The following KIFC3 variants were observed in gnomAD, a reference collection of about 807,000 sequenced individuals.
KIFC3 encodes the protein kinesin family member C3.
A neutral mutation model predicts 101.8 loss-of-function variants in KIFC3; 60 were observed. That is an observed-to-expected ratio of 0.59 (90% CI 0.48 to 0.73). The LOEUF is 0.73. Among genes scored for constraint, KIFC3 ranks in the 30% least tolerant of loss-of-function variants. The pLI is 0.00. For missense variants in KIFC3, 966 were observed against 1,137.1 expected (o/e 0.85, Z 2.16); for synonymous variants, 476 against 482.7 (o/e 0.99, Z 0.18).
At chr16:57,822,769 CAG>C (rs1555630106) in intron 1 of KIFC3, among the ~76,000 whole-genome samples, 1 of 151,902 alleles carries the variant, frequency 6.6e-6, no homozygotes, top group African/African-American at 2.4e-5. Flanking sequence ...AAGAAAAACT[CAG>C]AGACTGTTCC....
At chr16:57,798,313 AAGACCGTGGACCAGC>A (rs782465421) in intron 1 of KIFC3, 31 bp from the exon 2 acceptor site, 1 of 1,530,198 alleles carries the variant, frequency 6.5e-7, no homozygotes, top group South Asian at 1.2e-5. Flanking sequence ...GATAAGCTTG[AAGACCGTGGACCAGC>A]ACAACTGCAC....
In KIFC3 at chr16:57,802,480, G is replaced by T; in HGVS notation, c.-150C>A. On this transcript the variant is annotated 5_prime_UTR_variant, in exon 1 of 20. Coordinates refer to ENST00000445690, the MANE Select transcript of KIFC3 (RefSeq NM_001130100.2). This position sits in a 1 kb window ranked among gnomAD's most constrained non-coding sequence, Gnocchi z 5.0. ...CCGCCGCCTCCTCCTCGGCCAGCCC[G>T]CTCGCGCCCCTCCCGCACACTTTCC... 1 of 983,330 alleles carries T rather than the reference G, an allele frequency of 1.0e-6. No individual in the cohort carries two copies. Among genetic ancestry groups the T allele is most frequent in the African/African-American group, 1.8e-5 (1 of 57,092 alleles). 60.9% of individuals were successfully genotyped at this position (983,330 alleles called of 1,614,324 possible). A position where few individuals can be genotyped will look rare whatever the true frequency, so the allele number is the denominator to read the frequency against.
At chr16:57,854,182 T>C (rs2056116922) in intron 1 of KIFC3, among the ~76,000 whole-genome samples, 1 of 152,108 alleles carries the variant, frequency 6.6e-6, no homozygotes, top group African/African-American at 2.4e-5. Context: ...GTTCAAGCGA[T>C]TCACCTGCCT....
rs1426721896 is a variant in KIFC3, at chr16:57,798,166, C to CG, written c.77dup (p.Glu27GlyfsTer42). On this transcript the variant is annotated frameshift_variant, in exon 2 of 20. Transcript: ENST00000445690. LOFTEE classifies it high-confidence loss of function. Reference sequence around the variant, plus strand: ...GGCGAGCCATCCCCGGCTCGGGCTCCGGGGCCCGGCCCACTCTCCACAGGC... The same window carrying CG: ...GGCGAGCCATCCCCGGCTCGGGCTCCGGGGGCCCGGCCCACTCTCCACAGGC... 1 of 1,539,850 alleles carries CG rather than the reference C, an allele frequency of 6.5e-7. No homozygotes were observed. Among genetic ancestry groups the CG allele is most frequent in the Admixed American group, 2.0e-5 (1 of 49,572 alleles).
At chr16:57,816,326 T>C in intron 1 of KIFC3, 1 of 1,148,376 alleles carries the variant, frequency 8.7e-7, no homozygotes, top group South Asian at 1.3e-5. Context: ...TGTCTTCCCG[T>C]GTGTCTTCAG....
At chr16:57,824,088 C>A (rs907546142) in intron 1 of KIFC3, among the ~76,000 whole-genome samples, 2 of 152,220 alleles carry the variant, frequency 1.3e-5, no homozygotes, top group Admixed American at 6.5e-5. Flanking sequence ...GGGTGATCAA[C>A]CGTCCAGGTT....
intron 17 of KIFC3, 154 bp downstream of exon 17, chr16:57,760,128 G>T: frequency 1.1e-6 from 1 of 893,784 alleles, no homozygotes; most frequent in Non-Finnish European, 1.7e-6. Context: ...TGAAGAGGCT[G>T]CTGGCTGTGG....
At chr16:57,857,002 T>C (rs994382856) in intron 1 of KIFC3, among the ~76,000 whole-genome samples, 2 of 152,178 alleles carry the variant, frequency 1.3e-5, no homozygotes, top group African/African-American at 4.8e-5. Context: ...TAACTAATTG[T>C]GTGAGCCCAG....
chr16:57,815,860 C>T (rs1237418364), intron 1 of KIFC3, among the ~76,000 whole-genome samples: 1 of 152,240 alleles, frequency 6.6e-6, no homozygotes, highest in Middle Eastern at 3.2e-3. Flanking sequence ...CTCAGGCACA[C>T]ATGCAGTGCT....
chr16:57,802,478 C>T lies in KIFC3; in HGVS notation c.-148G>A, dbSNP rs2054804486. On this transcript the variant is annotated 5_prime_UTR_variant, in exon 1 of 20. Transcript: ENST00000445690. This position sits in a 1 kb window ranked among gnomAD's most constrained non-coding sequence, Gnocchi z 5.0. The stretch of plus-strand genomic sequence containing the variant: ...CGCCGCCGCCTCCTCCTCGGCCAGC[C>T]CGCTCGCGCCCCTCCCGCACACTTT... The T allele has an allele frequency of 5.1e-6, 5 of 983,314 alleles. No homozygotes were observed. In the South Asian group the frequency reaches 2.3e-4, roughly 46 times the overall value. 60.9% of individuals were successfully genotyped at this position (983,314 alleles called of 1,614,324 possible).
intron 11 of KIFC3, 40 bp downstream of exon 11, chr16:57,765,419 T>C: frequency 6.5e-7 from 1 of 1,533,576 alleles, no homozygotes; most frequent in African/African-American, 1.4e-5. Flanking sequence ...TCTTTCCCTC[T>C]CTCCCTTGCT....
Position 57,862,595 on chromosome 16 carries a change from C to A in KIFC3, c.108+134G>T, listed in dbSNP as rs368677232. On this transcript the variant is annotated intron_variant, in intron 1 of 2. Transcript: ENST00000563028. Reference sequence around the variant, plus strand: ...AGTAATTCAAATACCAGAGTGGTAACCATCTTCTAAGAATATTAGCTACAA... The same window carrying A: ...AGTAATTCAAATACCAGAGTGGTAAACATCTTCTAAGAATATTAGCTACAA... The A allele has an allele frequency of 1.3e-3, 376 of 284,096 alleles. 2 individuals are homozygous for A. The highest frequency in any genetic ancestry group is 7.7e-3 in the African/African-American group (355 of 46,082). 17.6% of individuals were successfully genotyped at this position (284,096 alleles called of 1,614,324 possible).
intron 1 of KIFC3, among the ~76,000 whole-genome samples, chr16:57,814,688 C>T (rs1555628409): frequency 5.3e-5 from 8 of 151,760 alleles, no homozygotes; most frequent in Admixed American, 3.3e-4. Flanking sequence ...TGCAGTGGTG[C>T]GATCTCAGCT....
chr16:57,760,649 C>T (rs576376377), intron 16 of KIFC3, 77 bp downstream of exon 16: 32 of 1,359,460 alleles, frequency 2.4e-5, no homozygotes, highest in Non-Finnish European at 3.2e-5. Context: ...ATTTGCACAG[C>T]CTGGGGTGAC....
chr16:57,848,836 TA>T (rs1267535336), intron 1 of KIFC3, among the ~76,000 whole-genome samples: 1 of 152,130 alleles, frequency 6.6e-6, no homozygotes, highest in Non-Finnish European at 1.5e-5. Flanking sequence ...AATAAATACA[TA>T]AAAATAAGGA....
chr16:57,844,044 G>T (rs779222107), intron 1 of KIFC3, among the ~76,000 whole-genome samples: 2 of 151,490 alleles, frequency 1.3e-5, no homozygotes, highest in Non-Finnish European at 2.9e-5. Context: ...AGAGATGAAG[G>T]TTGCTGTGAG....
chr16:57,797,382 C>T (rs920154722), intron 2 of KIFC3, among the ~76,000 whole-genome samples: 1 of 152,224 alleles, frequency 6.6e-6, no homozygotes, highest in Admixed American at 6.5e-5. Flanking sequence ...TGGACAGCTC[C>T]GCGGCCCCGC....
chr16:57,783,986 A>T (rs2053042977), intron 3 of KIFC3, among the ~76,000 whole-genome samples: 1 of 152,214 alleles, frequency 6.6e-6, no homozygotes, highest in Admixed American at 6.5e-5. Context: ...GCCTCAGCTC[A>T]GAGTACACTT....
Position 57,798,073 on chromosome 16 carries a change from A to G in KIFC3, c.171T>C (p.Thr57=), listed in dbSNP as rs1555623756. The part of the protein sequence containing the change: ...FPHTGPGRLR[T]GRGKDTPVCG... The stretch of plus-strand genomic sequence containing the variant: ...GGCATTTTAAAAATGCGGACTCACC[A>G]GTTCTCAACCTCCCCGGGCCGGTGT... The change falls in exon 2 of 20, where the codon ACT becomes ACC. Residue 57 remains threonine (T), a splice_region_variant and synonymous_variant. Coordinates refer to ENST00000445690, the MANE Select transcript of KIFC3 (RefSeq NM_001130100.2). 2 of 1,592,730 alleles carry G rather than the reference A, an allele frequency of 1.3e-6. No individual in the cohort carries two copies. The highest frequency in any genetic ancestry group is 1.1e-5 in the South Asian group (1 of 87,676).
Sources: allele counts gnomAD v4.1 joint callset (sites outside exome capture counted in the v4.1 genomes callset), GRCh38; gene constraint gnomAD v4.1.1; non-coding constraint Gnocchi (gnomAD v3.1); transcripts MANE v1.5; gene names NCBI Gene and HGNC (gene_info 2026-07-23, HGNC 2026-07-21).